The following CPE variants were observed in gnomAD, a reference collection of about 807,000 sequenced individuals.
CPE encodes the protein carbocypeptidase E.
CPE carries 17 observed loss-of-function variants against 53.5 expected under a neutral mutation model. The observed-to-expected ratio is 0.32, with a 90% CI of 0.22 to 0.48. CPE has a LOEUF of 0.48. Ranked by LOEUF, CPE falls within the 20% of genes least tolerant of loss-of-function variation. The pLI, the probability that CPE is intolerant of heterozygous loss-of-function variation, is 0.99. For synonymous variants in CPE, 226 were observed against 228.8 expected (o/e 0.99, Z 0.11); for missense variants, 524 against 614.7 (o/e 0.85, Z 1.56).
intron 1 of CPE, 135 bp from the exon 2 acceptor site, chr4:165,464,255 C>T (rs1732057432): frequency 7.3e-6 from 5 of 681,770 alleles, no homozygotes; most frequent in South Asian, 4.6e-5. Context: ...TTAATGTCTA[C>T]GGTAGATTTT....
chr4:165,423,241 C>T (rs900088420), intron 1 of CPE, among the ~76,000 whole-genome samples: 2 of 152,218 alleles, frequency 1.3e-5, no homozygotes, highest in South Asian at 2.1e-4. Flanking sequence ...TAGTAGCTAT[C>T]GTTTTTAGGA....
In CPE at chr4:165,379,575, G is replaced by A. The variant is rs1029693001; in HGVS notation, c.307+47G>A. On this transcript the variant is annotated intron_variant, in intron 1 of 8. Transcript: ENST00000402744. The surrounding 1 kb of genome is among the most constrained non-coding windows in gnomAD (Gnocchi z 6.0). The stretch of plus-strand genomic sequence containing the variant: ...AGCCCTGGGGGCATCCCGGAGGGGG[G>A]CGGCAGAGGGTGGGACTGGTGGCGG... The A allele has an allele frequency of 1.4e-6, 2 of 1,440,124 alleles. No homozygotes were observed. Among genetic ancestry groups the A allele is most frequent in the South Asian group, 1.4e-5 (1 of 69,348 alleles). The allele number at this position is 1,440,124 out of a possible 1,614,324, so 89.2% of individuals were successfully genotyped here.
At chr4:165,396,715 G>A (rs1158637664) in intron 1 of CPE, among the ~76,000 whole-genome samples, 2 of 149,896 alleles carry the variant, frequency 1.3e-5, no homozygotes, top group Non-Finnish European at 3.0e-5. Flanking sequence ...CAATAAGATA[G>A]ACGGAAATAT....
chr4:165,407,406 CTTT>C (rs879939668), intron 1 of CPE, among the ~76,000 whole-genome samples: 1 of 143,382 alleles, frequency 7.0e-6, no homozygotes. Flanking sequence ...AACTTCCATT[CTTT>C]TTTTTTTTTT....
intron 6 of CPE, among the ~76,000 whole-genome samples, chr4:165,489,312 A>G (rs1219905359): frequency 1.3e-5 from 2 of 152,080 alleles, no homozygotes; most frequent in Admixed American, 1.3e-4. Context: ...TTGTCTTAAT[A>G]CTCCTTAATA....
intron 1 of CPE, among the ~76,000 whole-genome samples, chr4:165,411,929 G>A (rs1040429449): frequency 6.6e-6 from 1 of 152,114 alleles, no homozygotes; most frequent in Non-Finnish European, 1.5e-5. Context: ...TCCTCCAGGA[G>A]GAGGAAACCA....
chr4:165,385,436 A>T (rs1579237273), intron 1 of CPE, among the ~76,000 whole-genome samples: 2 of 127,512 alleles, frequency 1.6e-5, no homozygotes, highest in Non-Finnish European at 1.6e-5. Context: ...TTGTTCACAA[A>T]TGTTTGCTTT....
intron 1 of CPE, among the ~76,000 whole-genome samples, chr4:165,434,696 T>A (rs951899522): frequency 8.5e-5 from 13 of 152,052 alleles, no homozygotes; most frequent in Non-Finnish European, 1.3e-4. Flanking sequence ...AAGCTGCCAG[T>A]GTGAAGGGTA....
chr4:165,488,624 A>G (rs1732548738), intron 6 of CPE, among the ~76,000 whole-genome samples: 1 of 152,248 alleles, frequency 6.6e-6, no homozygotes, highest in African/African-American at 2.4e-5. Flanking sequence ...TGTGCCAACA[A>G]ATAGTCCAGA....
chr4:165,426,740 T>A (rs1731325977), intron 1 of CPE, among the ~76,000 whole-genome samples: 1 of 152,208 alleles, frequency 6.6e-6, no homozygotes, highest in African/African-American at 2.4e-5. Flanking sequence ...TTGACACGGT[T>A]AACCCTTTGT....
chr4:165,471,414 A>G (rs188984943), intron 3 of CPE, among the ~76,000 whole-genome samples: 1 of 152,334 alleles, frequency 6.6e-6, no homozygotes, highest in East Asian at 1.9e-4. Context: ...TTCTTGAAAC[A>G]TAACTTTTCT....
At chr4:165,428,253 C>T (rs2126677855) in intron 1 of CPE, among the ~76,000 whole-genome samples, 1 of 152,194 alleles carries the variant, frequency 6.6e-6, no homozygotes, top group Non-Finnish European at 1.5e-5. Context: ...GTAGGGGTCT[C>T]ACTTTGTTGA....
intron 1 of CPE, among the ~76,000 whole-genome samples, chr4:165,407,338 A>G (rs1220827847): frequency 2.6e-5 from 4 of 151,946 alleles, no homozygotes; most frequent in Admixed American, 6.5e-5. Flanking sequence ...CTTGATGGCT[A>G]ATGACATTAA....
At chr4:165,389,548 T>C (rs960364452) in intron 1 of CPE, among the ~76,000 whole-genome samples, 15 of 152,220 alleles carry the variant, frequency 9.9e-5, no homozygotes, top group Non-Finnish European at 2.2e-4. Context: ...CCTTCTGAGA[T>C]AGGTTACAAC....
chr4:165,439,173 A>C (rs1437203549), intron 1 of CPE, among the ~76,000 whole-genome samples: 2 of 152,206 alleles, frequency 1.3e-5, no homozygotes, highest in Non-Finnish European at 2.9e-5. Flanking sequence ...CATGTTTGAA[A>C]AACCGACCAA....
intron 1 of CPE, among the ~76,000 whole-genome samples, chr4:165,457,609 T>A (rs1470575563): frequency 6.6e-6 from 1 of 152,232 alleles, no homozygotes; most frequent in Non-Finnish European, 1.5e-5. Flanking sequence ...AAAATGATTC[T>A]GTAATATGTC....
chr4:165,383,575 G>T (rs1343322262), intron 1 of CPE, among the ~76,000 whole-genome samples: 1 of 152,178 alleles, frequency 6.6e-6, no homozygotes, highest in East Asian at 1.9e-4. Context: ...ATTCTTTAGA[G>T]CAGGATTTTT....
intron 1 of CPE, among the ~76,000 whole-genome samples, chr4:165,439,995 C>A (rs531830618): frequency 6.6e-6 from 1 of 152,260 alleles, no homozygotes; most frequent in African/African-American, 2.4e-5. Flanking sequence ...GCTTTTAATA[C>A]CTTAGCTCAA....
chr4:165,401,390 T>A (rs66746153), intron 1 of CPE, among the ~76,000 whole-genome samples: 1 of 152,010 alleles, frequency 6.6e-6, no homozygotes, highest in African/African-American at 2.4e-5. Flanking sequence ...TAAGTGATAG[T>A]CAACATGTGG....
Sources: gnomAD v4.1 joint callset for allele counts (sites outside exome capture counted in the v4.1 genomes callset) on GRCh38, gnomAD v4.1.1 for gene constraint, Gnocchi (gnomAD v3.1) non-coding constraint, MANE v1.5 for transcripts, NCBI Gene and HGNC (gene_info 2026-07-23, HGNC 2026-07-21) for gene names.